Variants in ZAR1L observed in about 807,000 individuals in gnomAD.
The protein encoded by ZAR1L is zygote arrest 1 like, also known as protein ZAR1-like.
ZAR1L carries 16 observed loss-of-function variants against 30.0 expected under a neutral mutation model. The observed-to-expected ratio is 0.53, with a 90% confidence interval of 0.36 to 0.81. The LOEUF (loss-of-function observed/expected upper bound fraction) is 0.81, where lower values mean the gene tolerates loss of function less well. Among genes scored for constraint, ZAR1L ranks in the 30% least tolerant of loss-of-function variants. The pLI is 0.00. For missense variants in ZAR1L, 392 were observed against 417.2 expected, an observed-to-expected ratio of 0.94 and a Z score of 0.53; for synonymous variants, 197 against 166.8, an observed-to-expected ratio of 1.18 and a Z score of -1.40.
chr13:32,310,668 A>T lies in ZAR1L; in HGVS notation c.718T>A (p.Tyr240Asn). ...TTCGTTCCAGAAATGCACCACACGTAAGCACTCTCCCACCTGGTCTTACAA... is the reference window on the plus strand; with the variant it reads ...TTCGTTCCAGAAATGCACCACACGTTAGCACTCTCCCACCTGGTCTTACAA... ...KDCKTRWESA[Y>N]VWCISGTNKV... Residue 240 changes from tyrosine to asparagine, a missense_variant, in exon 4 of 6, where the codon TAC becomes AAC. By Grantham distance (143) the Tyr-to-Asn change is moderately radical. Coordinates refer to ENST00000533490, the MANE Select transcript of ZAR1L (RefSeq NM_001136571.2). 1 of 1,551,796 alleles carries T rather than the reference A, an allele frequency of 6.4e-7. No homozygotes were observed. The highest frequency in any genetic ancestry group is 8.7e-7 in the Non-Finnish European group (1 of 1,146,900).
Position 32,311,489 on chromosome 13 carries a change from C to G in ZAR1L, c.437G>C (p.Arg146Pro). The G allele has an allele frequency of 3.9e-6, 6 of 1,545,346 alleles. No homozygotes were observed. In the South Asian group the frequency reaches 6.0e-5, roughly 15 times the overall value. The change falls in exon 3 of 6, where the codon CGG becomes CCG. Residue 146 changes from arginine to proline, a missense_variant. Transcript: ENST00000533490. ...GCTCTCCGCTTCGTCCCCATCTCTC[C>G]GCAGGCGGATCAAGCCCCTGCGGCC... The part of the protein sequence containing the change: ...ATGRRGLIRL[R>P]RDGDEAESKA...
intron 4 of ZAR1L, among the ~76,000 whole-genome samples, chr13:32,309,025 T>G (rs2072195282): frequency 6.6e-6 from 1 of 151,692 alleles, no homozygotes; most frequent in Admixed American, 6.6e-5. Context: ...AGTTTTGCTC[T>G]TGTAATCCAG....
At chr13:32,306,203 G>A (rs1381899619) in intron 5 of ZAR1L, among the ~76,000 whole-genome samples, 1 of 152,126 alleles carries the variant, frequency 6.6e-6, no homozygotes, top group African/African-American at 2.4e-5. Context: ...TCAGCCTAAA[G>A]CAAGAAGAGC....
Position 32,311,970 on chromosome 13 carries a change from G to A in ZAR1L, c.-45C>T. The stretch of plus-strand genomic sequence containing the variant: ...CGCAGTCTAATATCCTAGCCAGTTT[G>A]TTTGGGTCCTTATTTTGCCTTCCTC... On this transcript the variant is annotated 5_prime_UTR_variant, in exon 3 of 6. Coordinates refer to ENST00000533490, the MANE Select transcript of ZAR1L (RefSeq NM_001136571.2). The A allele has an allele frequency of 1.4e-6, 2 of 1,480,436 alleles. No individual in the cohort carries two copies. Among genetic ancestry groups the A allele is most frequent in the South Asian group, 2.8e-5 (2 of 72,570 alleles). The allele number at this position is 1,480,436 out of a possible 1,614,324, so 91.7% of individuals were successfully genotyped here. A position where few individuals can be genotyped will look rare whatever the true frequency, so the allele number is the denominator to read the frequency against.
chr13:32,305,314 C>T (rs1593872618), intron 5 of ZAR1L, among the ~76,000 whole-genome samples: 1 of 152,190 alleles, frequency 6.6e-6, no homozygotes, highest in African/African-American at 2.4e-5. Context: ...GCAAGCTCCG[C>T]CTCCCGGGTT....
Position 32,304,011 on chromosome 13 carries a change from C to A in ZAR1L, c.834G>T (p.Lys278Asn). The A allele has an allele frequency of 5.2e-6, 8 of 1,551,726 alleles. No individual in the cohort carries two copies. The highest frequency in any genetic ancestry group is 7.0e-6 in the Non-Finnish European group (8 of 1,146,950). Residue 278 changes from lysine (K) to asparagine (N), a missense_variant, in exon 6 of 6, where the codon AAG becomes AAT. Physicochemically the swap from Lys to Asn is moderately conservative, Grantham distance 94. Coordinates refer to ENST00000533490, the MANE Select transcript of ZAR1L (RefSeq NM_001136571.2). ...TCTTTTGAGGACAGGAACAATGAGACTTTGAGCAGGTCTTTAGGAAACAAA... is the reference window on the plus strand; with the variant it reads ...TCTTTTGAGGACAGGAACAATGAGAATTTGAGCAGGTCTTTAGGAAACAAA... ...VEAIQCQTCS[K>N]SHCSCPQKKR...
chr13:32,310,739 T>C lies in ZAR1L; in HGVS notation c.655-8A>G. 6.5e-7 allele frequency: 1 copy of C among 1,538,112 alleles called. No individual in the cohort carries two copies. The highest frequency in any genetic ancestry group is 8.8e-7 in the Non-Finnish European group (1 of 1,135,036). On this transcript the variant is annotated splice_polypyrimidine_tract_variant and splice_region_variant and intron_variant, in intron 3 of 5. Coordinates refer to ENST00000533490, the MANE Select transcript of ZAR1L (RefSeq NM_001136571.2). ...ATATTTTGGTTCCAAAAACTGAAAA[T>C]AAAGAAGAAAAGTACTTTACCATCA... is the stretch of plus-strand genomic sequence containing the variant.
intron 5 of ZAR1L, 122 bp from the exon 6 acceptor site, chr13:32,304,144 A>C: frequency 9.7e-7 from 1 of 1,032,702 alleles, no homozygotes; most frequent in Non-Finnish European, 1.3e-6. Context: ...TCTGAGTCCT[A>C]CGAGAAGGCC....
intron 4 of ZAR1L, among the ~76,000 whole-genome samples, chr13:32,309,531 C>T (rs973733802): frequency 6.6e-6 from 1 of 152,210 alleles, no homozygotes; most frequent in Non-Finnish European, 1.5e-5. Flanking sequence ...CATTTTCTCT[C>T]TGCCTTGCTT....
In ZAR1L at chr13:32,311,910, G is replaced by A. The variant is rs1195407678; in HGVS notation, c.16C>T (p.Arg6Cys). MERFV[R>C]VPYGLYQGYG... is the part of the protein sequence containing the mutation. ...CCCTGGTACAAGCCATAGGGAACACGGACAAAGCGCTCCATCCGCTCTCAG... is the reference window on the plus strand; with the variant it reads ...CCCTGGTACAAGCCATAGGGAACACAGACAAAGCGCTCCATCCGCTCTCAG... Residue 6 changes from arginine to cysteine, a missense_variant, in exon 3 of 6, where the codon CGT (arginine) becomes TGT (cysteine). Arg to Cys is a radical substitution (Grantham distance 180). Transcript: ENST00000533490. 1.5e-5 allele frequency: 24 copies of A among 1,549,288 alleles called. 1 individual carries two copies. In the South Asian group the frequency reaches 1.9e-4, roughly 12 times the overall value.
At chr13:32,313,581 G>C (rs1047434981) in intron 2 of ZAR1L, among the ~76,000 whole-genome samples, 3 of 152,210 alleles carry the variant, frequency 2.0e-5, no homozygotes, top group Non-Finnish European at 4.4e-5. Context: ...TGGCCAGGCT[G>C]GTCTCGAACT....
At chr13:32,307,370 G>T (rs2072183240) in intron 5 of ZAR1L, among the ~76,000 whole-genome samples, 1 of 151,774 alleles carries the variant, frequency 6.6e-6, no homozygotes, top group East Asian at 1.9e-4. Flanking sequence ...ATGGTAGCAG[G>T]CGCCTGTAGT....
chr13:32,312,166 A>C, intron 2 of ZAR1L, 73 bp from the exon 3 acceptor site: 1 of 478,714 alleles, frequency 2.1e-6, no homozygotes, highest in South Asian at 3.7e-5. Context: ...GCTTTTCCCT[A>C]CCTCTTCACT....
intron 2 of ZAR1L, 42 bp downstream of exon 2, chr13:32,314,288 T>C (rs932009543): frequency 1.3e-5 from 2 of 152,206 alleles, no homozygotes; most frequent in African/African-American, 4.8e-5. Context: ...GATTACTGAT[T>C]ATCAAACTAA....
chr13:32,306,474 A>G (rs1157885549), intron 5 of ZAR1L, among the ~76,000 whole-genome samples: 1 of 152,234 alleles, frequency 6.6e-6, no homozygotes, highest in Non-Finnish European at 1.5e-5. Context: ...GGCAGAGAGA[A>G]GTAAGCAGAT....
intron 5 of ZAR1L, among the ~76,000 whole-genome samples, chr13:32,307,522 A>C (rs1037312194): frequency 1.3e-5 from 2 of 150,238 alleles, no homozygotes; most frequent in Admixed American, 6.6e-5. Context: ...AAAAAAAAAA[A>C]AAAAGGCAAG....
At chr13:32,304,125 C>G (rs1215669474) in intron 5 of ZAR1L, 103 bp from the exon 6 acceptor site, 1 of 1,250,962 alleles carries the variant, frequency 8.0e-7, no homozygotes, top group Non-Finnish European at 1.1e-6. Flanking sequence ...ATCCCTGAAA[C>G]CTTCATCCTC....
chr13:32,304,892 T>A (rs1043126895), intron 5 of ZAR1L, among the ~76,000 whole-genome samples: 4 of 148,128 alleles, frequency 2.7e-5, no homozygotes, highest in African/African-American at 9.9e-5. Context: ...CACTGCAACC[T>A]CCGTCTCCTG....
chr13:32,310,116 T>C (rs1593875333), intron 4 of ZAR1L, among the ~76,000 whole-genome samples: 1 of 152,382 alleles, frequency 6.6e-6, no homozygotes, highest in Admixed American at 6.5e-5. Context: ...GGGTCTCTAA[T>C]GACCAGAGCC....
Sources: allele counts gnomAD v4.1 joint callset (sites outside exome capture counted in the v4.1 genomes callset), GRCh38; gene constraint gnomAD v4.1.1; transcripts MANE v1.5; gene names NCBI Gene and HGNC (gene_info 2026-07-23, HGNC 2026-07-21).